COL6A5: variants seen among roughly 807,000 people sequenced by gnomAD.
COL6A5 encodes the protein collagen alpha-5(VI) chain.
Under a neutral mutation model 65.6 loss-of-function variants are expected in COL6A5, and 48 were observed. That is an observed-to-expected ratio of 0.73 (90% CI 0.58 to 0.93). The LOEUF (loss-of-function observed/expected upper bound fraction) is 0.93, where lower values mean the gene tolerates loss of function less well. Ranked by LOEUF, COL6A5 falls within the 40% of genes least tolerant of loss-of-function variation. COL6A5 has a pLI of 0.00. For synonymous variants in COL6A5, 291 were observed against 322.8 expected, an observed-to-expected ratio of 0.90 and a Z score of 1.05; for missense variants, 914 against 928.3, an observed-to-expected ratio of 0.98 and a Z score of 0.20.
In COL6A5 at chr3:130,431,566, A is replaced by G. The variant is rs1235672750; in HGVS notation, c.106A>G (p.Ile36Val). The change falls in exon 1 of 8, where the codon ATT becomes GTT. Residue 36 changes from isoleucine (I) to valine (V), a missense_variant. Ile to Val is a conservative substitution (Grantham distance 29). Coordinates refer to ENST00000512836, the Ensembl canonical transcript of COL6A5. ...TAAAACACGGGACATCATCACTTCC[A>G]TTGTCAATGACCTTAACATCAGGGA... 12 of 1,551,468 alleles carry G rather than the reference A, an allele frequency of 7.7e-6. No homozygotes were observed. The highest frequency in any genetic ancestry group is 1.0e-5 in the Non-Finnish European group (12 of 1,146,954).
At chr3:130,444,244 A>C (rs1709255744) in intron 4 of COL6A5, among the ~76,000 whole-genome samples, 1 of 152,066 alleles carries the variant, frequency 6.6e-6, no homozygotes, top group African/African-American at 2.4e-5. Context: ...CATGCTCTAC[A>C]ATTTGTGCAG....
At chr3:130,367,967 G>T (rs1171199900) in intron 1 of COL6A5, among the ~76,000 whole-genome samples, 1 of 152,168 alleles carries the variant, frequency 6.6e-6, no homozygotes, top group Admixed American at 6.5e-5. Context: ...TTCTAGCCAG[G>T]CAAGAACTCT....
intron 7 of COL6A5, among the ~76,000 whole-genome samples, chr3:130,393,552 A>G (rs1324032485): frequency 6.6e-6 from 1 of 152,162 alleles, no homozygotes; most frequent in Admixed American, 6.5e-5. Context: ...TTTTCCTATG[A>G]ATGTGGAGGC....
chr3:130,436,714 C>G (rs139759923), intron 1 of COL6A5, among the ~76,000 whole-genome samples: 1 of 151,954 alleles, frequency 6.6e-6, no homozygotes, highest in African/African-American at 2.4e-5. Flanking sequence ...TTTAGTATAC[C>G]TCATCTTCCT....
intron 1 of COL6A5, among the ~76,000 whole-genome samples, chr3:130,369,803 A>G (rs1935483000): frequency 6.6e-6 from 1 of 152,188 alleles, no homozygotes; most frequent in African/African-American, 2.4e-5. Context: ...GGAAATAGCA[A>G]GGCCAGCTGA....
chr3:130,405,750 CCAT>C, intron 14 of COL6A5, 91 bp downstream of exon 14: 1 of 1,076,706 alleles, frequency 9.3e-7, no homozygotes, highest in Non-Finnish European at 1.4e-6. Flanking sequence ...TTTCTCTCTT[CCAT>C]CACTCCTCTC....
chr3:130,470,548 A>C (rs992268387), intron 6 of COL6A5, among the ~76,000 whole-genome samples: 4 of 152,054 alleles, frequency 2.6e-5, no homozygotes, highest in Non-Finnish European at 5.9e-5. Flanking sequence ...TAAAATATAA[A>C]CATTTTTTAA....
Position 130,424,150 on chromosome 3 carries a change from G to T in COL6A5, c.5163+250G>T, listed in dbSNP as rs202230073. The stretch of plus-strand genomic sequence containing the variant: ...TGTGAATACTCTTTGTAAACTGTAA[G>T]GTTTACAAATAATAATATTGCATTG... On this transcript the variant is annotated intron_variant and NMD_transcript_variant, in intron 29 of 41. Coordinates refer to the COL6A5 transcript ENST00000312481. Among the ~76,000 whole-genome samples the T allele has an allele frequency of 1.2e-4, 18 of 151,998 alleles. No homozygotes were observed. In the East Asian group the frequency reaches 3.5e-3, roughly 29 times the overall value.
intron 22 of COL6A5, 122 bp downstream of exon 22, chr3:130,414,253 C>G (rs1937272908): frequency 2.6e-6 from 2 of 774,582 alleles, no homozygotes; most frequent in Non-Finnish European, 4.2e-6. Flanking sequence ...ATTTTGCATT[C>G]CCTATCATGG....
chr3:130,365,499 G>C (rs1935302804), intron 1 of COL6A5, among the ~76,000 whole-genome samples: 1 of 152,074 alleles, frequency 6.6e-6, no homozygotes, highest in South Asian at 2.1e-4. Flanking sequence ...GGATGGTCTC[G>C]ATCTCCTGAC....
At chr3:130,437,878 GT>G (rs1206367052) in intron 1 of COL6A5, among the ~76,000 whole-genome samples, 2 of 151,044 alleles carry the variant, frequency 1.3e-5, no homozygotes, top group African/African-American at 2.4e-5. Context: ...ATCCTGCTTT[GT>G]TTTTTTTCTA....
At chr3:130,416,521 G>A (rs75681439) in intron 23 of COL6A5, among the ~76,000 whole-genome samples, 4,889 of 152,128 alleles carry the variant, frequency 0.032, 99 homozygotes, top group South Asian at 0.083. Flanking sequence ...ACTAAGCCCC[G>A]TATGGACTAG....
intron 3 of COL6A5, 123 bp downstream of exon 3, chr3:130,376,959 T>C (rs1030535985): frequency 1.4e-5 from 15 of 1,077,254 alleles, no homozygotes; most frequent in Non-Finnish European, 1.9e-5. Context: ...TGGAAACTTC[T>C]ACACATCATA....
chr3:130,439,427 T>C lies in COL6A5; in HGVS notation c.488-95T>C, dbSNP rs1160705806. ...GAGCTATAATGCAAGGTAATAGTGATTAGTTGGGTGTTTTTTAAACTAATC... is the reference window on the plus strand; with the variant it reads ...GAGCTATAATGCAAGGTAATAGTGACTAGTTGGGTGTTTTTTAAACTAATC... On this transcript the variant is annotated intron_variant, in intron 1 of 7. Transcript: ENST00000512836. 4.0e-6 allele frequency: 3 copies of C among 750,732 alleles called. No homozygotes were observed. In the Admixed American group the frequency reaches 7.0e-5, roughly 17 times the overall value. 46.5% of individuals were successfully genotyped at this position (750,732 alleles called of 1,614,324 possible). A position where few individuals can be genotyped will look rare whatever the true frequency, so the allele number is the denominator to read the frequency against.
chr3:130,466,661 G>C (rs1177960715), intron 5 of COL6A5, among the ~76,000 whole-genome samples: 4 of 151,698 alleles, frequency 2.6e-5, no homozygotes, highest in Non-Finnish European at 4.4e-5. Flanking sequence ...AAACAATGAA[G>C]TCAATAAACC....
intron 4 of COL6A5, among the ~76,000 whole-genome samples, chr3:130,447,295 C>G (rs547599365): frequency 6.6e-6 from 1 of 152,118 alleles, no homozygotes; most frequent in Non-Finnish European, 1.5e-5. Flanking sequence ...GGAGCTAGCA[C>G]GAGTCACATC....
exon 11 of COL6A5, chr3:130,401,160 T>G (rs1936802626): frequency 7.8e-6 from 12 of 1,545,610 alleles, no homozygotes; most frequent in Non-Finnish European, 9.6e-6. Context: ...GGCAAAAAAC[T>G]ATCACAGTAC....
intron 1 of COL6A5, among the ~76,000 whole-genome samples, chr3:130,357,979 G>A (rs1934980108): frequency 6.6e-6 from 1 of 152,106 alleles, no homozygotes; most frequent in African/African-American, 2.4e-5. Flanking sequence ...CACGAGGTCA[G>A]GTGATCGAGA....
At chr3:130,468,187 A>G (rs1158922802) in intron 5 of COL6A5, among the ~76,000 whole-genome samples, 17 of 152,012 alleles carry the variant, frequency 1.1e-4, no homozygotes, top group Admixed American at 1.1e-3. Flanking sequence ...CATGGTGCAA[A>G]CTGCTTACCT....
Sources: gnomAD v4.1 joint callset for allele counts (sites outside exome capture counted in the v4.1 genomes callset) on GRCh38, gnomAD v4.1.1 for gene constraint, MANE v1.5 for transcripts, NCBI Gene and HGNC (gene_info 2026-07-23, HGNC 2026-07-21) for gene names.